The following DNAH6 variants were observed in gnomAD, a reference collection of about 807,000 sequenced individuals.
DNAH6 encodes the protein axonemal beta dynein heavy chain 6.
Under a neutral mutation model 491.4 loss-of-function variants are expected in DNAH6, and 340 were observed. That is an observed-to-expected ratio of 0.69 (90% CI 0.63 to 0.76). The LOEUF is 0.76. DNAH6 is among the 30% of genes least tolerant of loss of function. The probability of loss-of-function intolerance (pLI) is 0.00; values close to 1 mark genes in which losing one functional copy is unlikely to be tolerated. For missense variants in DNAH6, 4,443 were observed against 4,972.2 expected (o/e 0.89, Z 3.20); for synonymous variants, 1,603 against 1,686.1 (o/e 0.95, Z 1.21).
chr2:84,525,665 G>C lies in DNAH6; in HGVS notation c.326G>C (p.Ser109Thr), dbSNP rs1676544136. The change falls in exon 3 of 77, where the codon AGC becomes ACC. Residue 109 changes from serine (S) to threonine (T), a missense_variant. Coordinates refer to ENST00000389394, the MANE Select transcript of DNAH6 (RefSeq NM_001370.2). The stretch of plus-strand genomic sequence containing the variant: ...GCAGGAATCATTAAACGTCCAGTAA[G>C]CATAGCAAAAAAAAGTTTTGCCACA... ...MTAGIIKRPV[S>T]IAKKSFATSS... 1.3e-6 allele frequency: 2 copies of C among 1,550,310 alleles called. No homozygotes were observed. The highest frequency in any genetic ancestry group is 2.4e-5 in the East Asian group (1 of 40,834).
the DNAH6 span, among the ~76,000 whole-genome samples, chr2:84,492,998 T>C: frequency 6.6e-6 from 1 of 152,104 alleles, no homozygotes. Context: ...ATATATACTG[T>C]ATATTCTATA....
chr2:84,710,512 C>A, intron 56 of DNAH6, 100 bp downstream of exon 56: 6 of 1,190,398 alleles, frequency 5.0e-6, no homozygotes, highest in Admixed American at 2.4e-5. Context: ...AGACACCAGT[C>A]AACTCCATTT....
chr2:84,566,556 T>A (rs1327799999), intron 11 of DNAH6, among the ~76,000 whole-genome samples: 1 of 152,016 alleles, frequency 6.6e-6, no homozygotes, highest in Middle Eastern at 3.2e-3. Flanking sequence ...CAATAAAAAT[T>A]TCTTAAATGG....
intron 63 of DNAH6, among the ~76,000 whole-genome samples, chr2:84,752,432 ATG>A (rs567704579): frequency 2.4e-3 from 364 of 152,322 alleles, no homozygotes; most frequent in African/African-American, 7.9e-3. Flanking sequence ...CTCTTTGATC[ATG>A]TGTAGTAACA....
At chr2:84,764,278 A>C (rs1321647993) in intron 64 of DNAH6, among the ~76,000 whole-genome samples, 1 of 152,208 alleles carries the variant, frequency 6.6e-6, no homozygotes, top group Non-Finnish European at 1.5e-5. Context: ...AGTTTCTGTG[A>C]ATCAGTAAGA....
intron 4 of DNAH6, among the ~76,000 whole-genome samples, chr2:84,535,395 TTATTTG>T (rs1677589782): frequency 6.6e-6 from 1 of 151,982 alleles, no homozygotes; most frequent in South Asian, 2.1e-4. Flanking sequence ...CCTAAATATC[TTATTTG>T]TATAAAAATG....
Position 84,517,880 on chromosome 2 carries a change from T to G in DNAH6, c.54T>G (p.Tyr18Ter). The change falls in exon 2 of 77, where the codon TAT (tyrosine) becomes TAG (stop). Residue 18 changes from tyrosine (Y) to a stop codon, truncating the protein, a stop_gained. Transcript: ENST00000389394. LOFTEE classifies it high-confidence loss of function. ...TTGACCTGACAAATATTGAAGAGTATGCCGAAAATTCTGCACTTTCAAGAC... is the reference window on the plus strand; with the variant it reads ...TTGACCTGACAAATATTGAAGAGTAGGCCGAAAATTCTGCACTTTCAAGAC... Reference protein sequence around the residue: ...SEFDLTNIEEYAENSALSRLN... With the variant: ...SEFDLTNIEE 1 of 1,551,808 alleles carries G rather than the reference T, an allele frequency of 6.4e-7. No individual in the cohort carries two copies. The highest frequency in any genetic ancestry group is 8.7e-7 in the Non-Finnish European group (1 of 1,147,006).
intron 71 of DNAH6, among the ~76,000 whole-genome samples, chr2:84,807,749 A>G (rs983082660): frequency 6.6e-6 from 1 of 152,148 alleles, no homozygotes; most frequent in African/African-American, 2.4e-5. Context: ...AAAGCCAGGC[A>G]CACCTTCCTA....
At chr2:84,605,070 A>G (rs555495756) in intron 19 of DNAH6, among the ~76,000 whole-genome samples, 1 of 152,162 alleles carries the variant, frequency 6.6e-6, no homozygotes, top group African/African-American at 2.4e-5. Flanking sequence ...AGGGCAGGCC[A>G]GGCGTGGTGG....
rs1161836853 is a variant in DNAH6 at position 84,525,555 on chromosome 2, T to A, written c.226-10T>A. ...TAATAAAAATTAACATGTCTCTCTA[T>A]TTCCCAAAGCCAGTGCTAAAAGTCT... On this transcript the variant is annotated splice_polypyrimidine_tract_variant and intron_variant, in intron 2 of 76. Coordinates refer to ENST00000389394, the MANE Select transcript of DNAH6 (RefSeq NM_001370.2). 6.5e-7 allele frequency: 1 copy of A among 1,532,128 alleles called. No individual in the cohort carries two copies. The highest frequency in any genetic ancestry group is 2.2e-5 in the Admixed American group (1 of 44,670). 94.9% of individuals were successfully genotyped at this position (1,532,128 alleles called of 1,614,324 possible).
chr2:84,740,137 A>T (rs1025802072), intron 62 of DNAH6, among the ~76,000 whole-genome samples: 2 of 151,824 alleles, frequency 1.3e-5, no homozygotes, highest in African/African-American at 2.4e-5. Flanking sequence ...AGGTGCTTTC[A>T]GAGTGCCAAC....
intron 64 of DNAH6, among the ~76,000 whole-genome samples, chr2:84,764,526 A>C (rs536628779): frequency 6.6e-6 from 1 of 152,242 alleles, no homozygotes; most frequent in Admixed American, 6.5e-5. Flanking sequence ...AATAAGCAAA[A>C]ATTATTTGGC....
chr2:84,672,301 A>C lies in DNAH6; in HGVS notation c.6455-26A>C, dbSNP rs144453599. On this transcript the variant is annotated intron_variant, in intron 39 of 76. Transcript: ENST00000389394. ...TTTCTAAGGGAAAATCATAATTCTT[A>C]AATTAAATTCATTTTATTTCCCTAG... The C allele has an allele frequency of 2.0e-3, 3,006 of 1,538,342 alleles. 8 individuals carry two copies. Among genetic ancestry groups the C allele is most frequent in the Middle Eastern group, 6.9e-3 (41 of 5,908 alleles).
chr2:84,659,178 C>T lies in DNAH6; in HGVS notation c.6084+9C>T. The T allele has an allele frequency of 7.5e-7, 1 of 1,328,306 alleles. No homozygotes were observed. Among genetic ancestry groups the T allele is most frequent in the Non-Finnish European group, 1.0e-6 (1 of 991,064 alleles). 82.3% of individuals were successfully genotyped at this position (1,328,306 alleles called of 1,614,324 possible). A position where few individuals can be genotyped will look rare whatever the true frequency, so the allele number is the denominator to read the frequency against. ...ATAATCCTGATGCCAGGGTAAGAAC[C>T]AAATAAATTATATTTTAACATAATA... On this transcript the variant is annotated intron_variant, in intron 37 of 76. Coordinates refer to ENST00000389394, the MANE Select transcript of DNAH6 (RefSeq NM_001370.2).
chr2:84,660,346 C>T (rs1691383674), intron 37 of DNAH6, among the ~76,000 whole-genome samples: 1 of 152,062 alleles, frequency 6.6e-6, no homozygotes, highest in Admixed American at 6.5e-5. Context: ...AGTATAGGAT[C>T]ATAACCCTTT....
In DNAH6 at chr2:84,588,869, G is replaced by T. The variant is rs1251469462; in HGVS notation, c.2525G>T (p.Arg842Met). The change falls in exon 16 of 77, where the codon AGG (arginine) becomes ATG (methionine). Residue 842 changes from arginine (R) to methionine (M), a missense_variant. Arg to Met is a moderately conservative substitution (Grantham distance 91). Coordinates refer to ENST00000389394, the MANE Select transcript of DNAH6 (RefSeq NM_001370.2). ...ATCTCTGCTGACCAAGACAAAATAA[G>T]GCTCATATTGAATAATCTGCAATCT... ...LDISADQDKI[R>M]LILNNLQSVL... is the part of the protein sequence containing the mutation. 6 of 1,550,464 alleles carry T rather than the reference G, an allele frequency of 3.9e-6. No homozygotes were observed. The highest frequency in any genetic ancestry group is 4.4e-6 in the Non-Finnish European group (5 of 1,146,346).
the DNAH6 span, among the ~76,000 whole-genome samples, chr2:84,489,942 C>T: frequency 6.6e-6 from 1 of 152,184 alleles, no homozygotes; most frequent in African/African-American, 2.4e-5. Context: ...TTGAGAACCA[C>T]TAACATAGAG....
At chr2:84,493,617 A>T in the DNAH6 span, among the ~76,000 whole-genome samples, 1 of 152,236 alleles carries the variant, frequency 6.6e-6, no homozygotes, top group Non-Finnish European at 1.5e-5. Context: ...TCTATAAGCA[A>T]AAATCGTTGG....
intron 14 of DNAH6, among the ~76,000 whole-genome samples, chr2:84,581,374 C>A (rs1272815661): frequency 6.6e-6 from 1 of 152,020 alleles, no homozygotes; most frequent in Admixed American, 6.5e-5. Flanking sequence ...TTCATTCAGT[C>A]AGCAAGTTTA....
Sources: allele counts gnomAD v4.1 joint callset (sites outside exome capture counted in the v4.1 genomes callset), GRCh38; gene constraint gnomAD v4.1.1; transcripts MANE v1.5; gene names NCBI Gene and HGNC (gene_info 2026-07-23, HGNC 2026-07-21).